NRXN3: variants seen among roughly 807,000 people sequenced by gnomAD.
The protein encoded by NRXN3 is neurexin III.
In NRXN3, 32 loss-of-function variants were observed where a neutral mutation model predicts 137.6. The ratio of observed to expected loss-of-function variants is 0.23; its 90% CI spans 0.18 to 0.31. NRXN3 has a LOEUF of 0.31. Ranked by LOEUF, NRXN3 falls within the 10% of genes least tolerant of loss-of-function variation. NRXN3 has a pLI of 1.00. For missense variants in NRXN3, 1,574 were observed against 2,062.5 expected (o/e 0.76, Z 4.59); for synonymous variants, 798 against 784.5 (o/e 1.02, Z -0.29).
At chr14:78,176,217 A>G (rs1385952854) in intron 1 of NRXN3, among the ~76,000 whole-genome samples, 1 of 152,208 alleles carries the variant, frequency 6.6e-6, no homozygotes, top group African/African-American at 2.4e-5. Flanking sequence ...GTAGTTTAGT[A>G]GAAAGGGCTT....
At chr14:78,835,752 C>T (rs2098994862) in intron 10 of NRXN3, among the ~76,000 whole-genome samples, 1 of 152,110 alleles carries the variant, frequency 6.6e-6, no homozygotes, top group Non-Finnish European at 1.5e-5. Context: ...GTCAAAGAAA[C>T]TCTGCAAAGT....
intron 16 of NRXN3, among the ~76,000 whole-genome samples, chr14:79,576,575 T>C (rs1023867021): frequency 6.6e-6 from 1 of 152,026 alleles, no homozygotes; most frequent in Admixed American, 6.6e-5. Flanking sequence ...GGAAGACGGG[T>C]CTATTTTCAT....
chr14:78,828,469 G>C (rs2098973070), intron 10 of NRXN3, among the ~76,000 whole-genome samples: 1 of 152,170 alleles, frequency 6.6e-6, no homozygotes, highest in African/African-American at 2.4e-5. Flanking sequence ...AAGCCATATA[G>C]CCCTGTCACA....
At chr14:79,326,991 C>T (rs1421908552) in intron 15 of NRXN3, among the ~76,000 whole-genome samples, 4 of 152,140 alleles carry the variant, frequency 2.6e-5, no homozygotes, top group Non-Finnish European at 4.4e-5. Context: ...AAAAAGTGCT[C>T]AGTCTCTCAT....
At chr14:79,574,273 TG>T (rs1317026967) in intron 16 of NRXN3, among the ~76,000 whole-genome samples, 1 of 151,892 alleles carries the variant, frequency 6.6e-6, no homozygotes, top group African/African-American at 2.4e-5. Context: ...TATCTGCAAT[TG>T]TCTAAAGGTA....
chr14:79,588,045 G>A (rs1365064804), intron 16 of NRXN3, among the ~76,000 whole-genome samples: 1 of 152,222 alleles, frequency 6.6e-6, no homozygotes, highest in East Asian at 1.9e-4. Flanking sequence ...TATGATTATA[G>A]GCTATTTCAG....
At chr14:79,439,780 A>G (rs918284312) in intron 15 of NRXN3, among the ~76,000 whole-genome samples, 1 of 152,154 alleles carries the variant, frequency 6.6e-6, no homozygotes, top group East Asian at 1.9e-4. Context: ...GCATCTCTTA[A>G]AATGGTTTTA....
At chr14:78,892,632 G>C (rs1036038482) in intron 10 of NRXN3, among the ~76,000 whole-genome samples, 1 of 150,872 alleles carries the variant, frequency 6.6e-6, no homozygotes, top group Non-Finnish European at 1.5e-5. Flanking sequence ...TTGTAAATCA[G>C]TCTTTTCTTC....
intron 4 of NRXN3, among the ~76,000 whole-genome samples, chr14:78,468,352 T>G (rs1271430185): frequency 6.6e-6 from 1 of 152,166 alleles, no homozygotes; most frequent in Non-Finnish European, 1.5e-5. Context: ...CAGTTGCACG[T>G]GGGCTTGTTG....
At chr14:79,844,501 A>G (rs895784980) in intron 20 of NRXN3, among the ~76,000 whole-genome samples, 8 of 152,022 alleles carry the variant, frequency 5.3e-5, no homozygotes, top group African/African-American at 1.9e-4. Context: ...AGCAGAATGG[A>G]TGTTGTGTTA....
intron 1 of NRXN3, among the ~76,000 whole-genome samples, chr14:78,191,005 G>A (rs1039074724): frequency 6.6e-6 from 1 of 152,092 alleles, no homozygotes; most frequent in African/African-American, 2.4e-5. Flanking sequence ...AAAGGAAATC[G>A]ATTTGTTTCT....
At chr14:78,882,525 T>G (rs1268460458) in intron 10 of NRXN3, among the ~76,000 whole-genome samples, 1 of 151,806 alleles carries the variant, frequency 6.6e-6, no homozygotes, top group Non-Finnish European at 1.5e-5. Flanking sequence ...TTTGGAACTT[T>G]AAGGTTTAAT....
chr14:79,235,712 A>G (rs544591082), intron 15 of NRXN3, among the ~76,000 whole-genome samples: 1 of 152,204 alleles, frequency 6.6e-6, no homozygotes, highest in Non-Finnish European at 1.5e-5. Context: ...GTAAAGACAT[A>G]CAGTGAATCT....
chr14:78,669,223 A>T (rs2097913896), intron 6 of NRXN3, among the ~76,000 whole-genome samples: 1 of 152,166 alleles, frequency 6.6e-6, no homozygotes, highest in Admixed American at 6.5e-5. Context: ...TGATAAGCAT[A>T]GAGAACTAAT....
chr14:78,991,735 C>G (rs1312924293), intron 15 of NRXN3, among the ~76,000 whole-genome samples: 1 of 152,086 alleles, frequency 6.6e-6, no homozygotes, highest in Non-Finnish European at 1.5e-5. Flanking sequence ...ATTCCTTTTT[C>G]CTAGCATTGG....
At chr14:78,176,019 C>G (rs1026865620) in intron 1 of NRXN3, among the ~76,000 whole-genome samples, 4 of 152,178 alleles carry the variant, frequency 2.6e-5, no homozygotes, top group African/African-American at 9.7e-5. Flanking sequence ...AGGACATTTC[C>G]TGACACGTAG....
At chr14:79,382,513 C>T (rs1447293201) in intron 15 of NRXN3, among the ~76,000 whole-genome samples, 1 of 152,150 alleles carries the variant, frequency 6.6e-6, no homozygotes, top group Non-Finnish European at 1.5e-5. Flanking sequence ...AAGCCATCTC[C>T]TCTCTCAGAA....
At chr14:78,811,759 G>A (rs1312868398) in intron 10 of NRXN3, among the ~76,000 whole-genome samples, 1 of 152,100 alleles carries the variant, frequency 6.6e-6, no homozygotes, top group Non-Finnish European at 1.5e-5. Context: ...GGGGGCAAAT[G>A]TTCCATCTAA....
chr14:79,341,837 A>T (rs1276284294), intron 15 of NRXN3, among the ~76,000 whole-genome samples: 1 of 152,236 alleles, frequency 6.6e-6, no homozygotes, highest in Admixed American at 6.5e-5. Context: ...GATCCAAGTA[A>T]GACCCCAAAG....
Sources: allele counts gnomAD v4.1 joint callset (sites outside exome capture counted in the v4.1 genomes callset), GRCh38; gene constraint gnomAD v4.1.1; transcripts MANE v1.5; gene names NCBI Gene and HGNC (gene_info 2026-07-23, HGNC 2026-07-21).